The following TNFRSF10D variants were observed in gnomAD, a reference collection of about 807,000 sequenced individuals.
TNFRSF10D encodes TNF receptor superfamily member 10d.
A neutral mutation model predicts 42.1 loss-of-function variants in TNFRSF10D; 28 were observed. The observed-to-expected ratio is 0.66, with a 90% CI of 0.49 to 0.91. TNFRSF10D has a LOEUF of 0.91. Ranked by LOEUF, TNFRSF10D falls within the 40% of genes least tolerant of loss-of-function variation. TNFRSF10D has a pLI of 0.00. For missense variants in TNFRSF10D, 503 were observed against 486.1 expected, an observed-to-expected ratio of 1.03 and a Z score of -0.33; for synonymous variants, 186 against 189.4, an observed-to-expected ratio of 0.98 and a Z score of 0.15.
chr8:23,148,856 C>G (rs1453594813), intron 2 of TNFRSF10D, among the ~76,000 whole-genome samples: 1 of 152,042 alleles, frequency 6.6e-6, no homozygotes, highest in Non-Finnish European at 1.5e-5. Flanking sequence ...ATCCAAAACA[C>G]TACATTTCAA....
At chr8:23,155,815 T>TTC (rs57189946) in intron 1 of TNFRSF10D, among the ~76,000 whole-genome samples, 76,395 of 150,120 alleles carry the variant, frequency 0.51, 19,541 homozygotes, top group Middle Eastern at 0.63. Context: ...TGGGTGAATA[T>TTC]TCTCTCTCTC....
intron 2 of TNFRSF10D, among the ~76,000 whole-genome samples, chr8:23,150,338 G>C (rs1800198424): frequency 6.6e-6 from 1 of 152,188 alleles, no homozygotes; most frequent in Non-Finnish European, 1.5e-5. Context: ...CTGGATACTG[G>C]CTCTGACCAC....
At chr8:23,155,717 A>G (rs1800268586) in intron 1 of TNFRSF10D, among the ~76,000 whole-genome samples, 1 of 151,870 alleles carries the variant, frequency 6.6e-6, no homozygotes, top group Non-Finnish European at 1.5e-5. Flanking sequence ...AAAACAAAAA[A>G]CAAAAAACAA....
intron 2 of TNFRSF10D, among the ~76,000 whole-genome samples, chr8:23,149,552 T>C (rs1009834339): frequency 1.3e-5 from 2 of 152,048 alleles, no homozygotes; most frequent in African/African-American, 4.8e-5. Context: ...TCTACTTTTT[T>C]TTTTTTTTAA....
intron 2 of TNFRSF10D, 108 bp downstream of exon 2, chr8:23,154,766 C>A: frequency 8.4e-7 from 1 of 1,196,076 alleles, no homozygotes. Flanking sequence ...TTGATTTAGC[C>A]ATTTCACAAT....
In TNFRSF10D at chr8:23,137,898, T is replaced by C. The variant is rs952471286; in HGVS notation, c.1133A>G (p.Glu378Gly). Residue 378 changes from glutamate to glycine, a missense_variant, in exon 9 of 9, where the codon GAG becomes GGG. Glu to Gly is a moderately conservative substitution (Grantham distance 98, BLOSUM62 -2). Coordinates refer to ENST00000312584, the MANE Select transcript of TNFRSF10D (RefSeq NM_003840.5). Reference protein sequence around the residue: ...GSEKLFYEEDEAGSATSCL With the variant: ...GSEKLFYEEDGAGSATSCL ...CAGGCAGGACGTAGCAGAGCCTGCC[T>C]CATCTTCTTCATAAAAGAGCTTTTC... 1 of 1,614,182 alleles carries C rather than the reference T, an allele frequency of 6.2e-7. No homozygotes were observed. Among genetic ancestry groups the C allele is most frequent in the Non-Finnish European group, 8.5e-7 (1 of 1,180,036 alleles).
At chr8:23,162,130 A>G (rs1800375522) in intron 1 of TNFRSF10D, among the ~76,000 whole-genome samples, 1 of 152,248 alleles carries the variant, frequency 6.6e-6, no homozygotes, top group African/African-American at 2.4e-5. Flanking sequence ...ACTGCCATAA[A>G]ACATCTAATG....
intron 1 of TNFRSF10D, among the ~76,000 whole-genome samples, chr8:23,161,362 C>T (rs912143124): frequency 6.6e-5 from 10 of 150,436 alleles, no homozygotes; most frequent in Admixed American, 3.9e-4. Flanking sequence ...AAGAGAAGGG[C>T]GGGGCGGAAG....
chr8:23,144,918 G>A, intron 6 of TNFRSF10D, 140 bp downstream of exon 6: 1 of 1,320,344 alleles, frequency 7.6e-7, no homozygotes. Context: ...GTCCCCCACA[G>A]TCAGCCCAGA....
chr8:23,161,226 T>G (rs1261655230), intron 1 of TNFRSF10D, among the ~76,000 whole-genome samples: 1 of 152,200 alleles, frequency 6.6e-6, no homozygotes. Context: ...GCCACACCAG[T>G]GTCACAGAGC....
chr8:23,163,916 C>T lies in TNFRSF10D; in HGVS notation c.20G>A (p.Ser7Asn), dbSNP rs1237272110. The T allele has an allele frequency of 7.3e-5, 116 of 1,582,240 alleles. No homozygotes were observed. The highest frequency in any genetic ancestry group is 7.0e-4 in the South Asian group (61 of 87,074). Residue 7 changes from serine (S) to asparagine (N), a missense_variant, in exon 1 of 9, where the codon AGC becomes AAC. Ser to Asn is a conservative substitution (Grantham distance 46, BLOSUM62 1). Transcript: ENST00000312584. ...TCGAGCGCTCGAGGCGGTCGGGACG[C>T]TTTGTCCCCAAAGTCCCATGAGAAG... MGLWGQ[S>N]VPTASSARAG...
chr8:23,138,150 C>T (rs769915573), intron 8 of TNFRSF10D, 38 bp downstream of exon 8: 78 of 1,613,706 alleles, frequency 4.8e-5, no homozygotes, highest in Non-Finnish European at 5.9e-5. Context: ...TCCCTATTCC[C>T]TGTCCTCCTG....
Position 23,148,695 on chromosome 8 carries a change from G to A in TNFRSF10D, c.257-144C>T, listed in dbSNP as rs565048803. On this transcript the variant is annotated intron_variant, in intron 2 of 8. Coordinates refer to ENST00000312584, the MANE Select transcript of TNFRSF10D (RefSeq NM_003840.5). Reference sequence around the variant, plus strand: ...TTGGCTTGGTCTTGTCATCAATTCTGCATCTATTACACTATTACATACCTT... The same window carrying A: ...TTGGCTTGGTCTTGTCATCAATTCTACATCTATTACACTATTACATACCTT... The A allele has an allele frequency of 5.0e-4, 281 of 559,192 alleles. 2 individuals carry two copies. The highest frequency in any genetic ancestry group is 1.4e-3 in the South Asian group (70 of 48,526). 34.6% of individuals were successfully genotyped at this position (559,192 alleles called of 1,614,324 possible).
Position 23,149,335 on chromosome 8 carries a change from T to A in TNFRSF10D, c.257-784A>T, listed in dbSNP as rs546374394. On this transcript the variant is annotated intron_variant, in intron 2 of 8. Coordinates refer to ENST00000312584, the MANE Select transcript of TNFRSF10D (RefSeq NM_003840.5). ...TCACTGCAACCTCCACCTCCCAGGT[T>A]CAAGCGATTCTCCTGCCTCAGCCTC... Among the ~76,000 whole-genome samples the A allele has an allele frequency of 5.3e-5, 8 of 151,430 alleles. No homozygotes were observed. In the East Asian group the frequency reaches 1.6e-3, roughly 30 times the overall value.
chr8:23,148,955 C>T (rs1443531965), intron 2 of TNFRSF10D, among the ~76,000 whole-genome samples: 1 of 151,484 alleles, frequency 6.6e-6, no homozygotes, highest in Non-Finnish European at 1.5e-5. Context: ...CTTAGGGAGG[C>T]CAAGGCGGAC....
intron 2 of TNFRSF10D, among the ~76,000 whole-genome samples, chr8:23,152,565 A>G (rs1027663658): frequency 6.6e-6 from 1 of 152,220 alleles, no homozygotes; most frequent in African/African-American, 2.4e-5. Flanking sequence ...GAAAGGAATT[A>G]TTAATTGGGC....
chr8:23,155,748 C>G (rs1800269464), intron 1 of TNFRSF10D, among the ~76,000 whole-genome samples: 1 of 151,794 alleles, frequency 6.6e-6, no homozygotes, highest in Non-Finnish European at 1.5e-5. Context: ...CATATGAGCC[C>G]TTCAAGCAGA....
chr8:23,148,057 T>C (rs1585260921), intron 3 of TNFRSF10D, among the ~76,000 whole-genome samples: 1 of 97,652 alleles, frequency 1.0e-5, no homozygotes, highest in Non-Finnish European at 1.9e-5. Context: ...AGAACGAGAC[T>C]CCGTCTCCCA....
intron 5 of TNFRSF10D, 64 bp from the exon 6 acceptor site, chr8:23,145,153 G>C: frequency 6.2e-7 from 1 of 1,607,008 alleles, no homozygotes; most frequent in Non-Finnish European, 8.5e-7. Flanking sequence ...CCTCCCAGAG[G>C]ACAGTGGGGC....
Sources: gnomAD v4.1 joint callset for allele counts (sites outside exome capture counted in the v4.1 genomes callset) on GRCh38, gnomAD v4.1.1 for gene constraint, MANE v1.5 for transcripts, NCBI Gene and HGNC (gene_info 2026-07-23, HGNC 2026-07-21) for gene names.